The following TCF20 variants were observed in gnomAD, a reference collection of about 807,000 sequenced individuals.
TCF20 encodes transcription factor 20, also known as SPRE-binding protein.
In TCF20, 3 loss-of-function variants were observed where a neutral mutation model predicts 148.6. That is an observed-to-expected ratio of 0.02 (90% confidence interval 0.01 to 0.05). TCF20 has a LOEUF of 0.05. Ranked by LOEUF, TCF20 falls within the 10% of genes least tolerant of loss-of-function variation. The probability of loss-of-function intolerance (pLI) is 1.00; values close to 1 mark genes in which losing one functional copy is unlikely to be tolerated. For synonymous variants in TCF20, 1,049 were observed against 909.5 expected, an observed-to-expected ratio of 1.15 and a Z score of -2.76; for missense variants, 2,350 against 2,429.3, an observed-to-expected ratio of 0.97 and a Z score of 0.69.
chr22:42,302,828 T>C (rs1927362019), intron 1 of TCF20, among the ~76,000 whole-genome samples: 2 of 152,314 alleles, frequency 1.3e-5, no homozygotes, highest in South Asian at 4.1e-4. Flanking sequence ...GGGTGCAACT[T>C]CAGGCTGGGA....
chr22:42,324,547 T>C (rs1195025080), intron 1 of TCF20, among the ~76,000 whole-genome samples: 1 of 151,708 alleles, frequency 6.6e-6, no homozygotes, highest in Non-Finnish European at 1.5e-5. Flanking sequence ...GAAAATAATC[T>C]CCACCATTTG....
intron 1 of TCF20, among the ~76,000 whole-genome samples, chr22:42,321,251 G>C (rs1030977615): frequency 2.4e-4 from 36 of 152,310 alleles, no homozygotes; most frequent in African/African-American, 8.4e-4. Context: ...TGGCACCAGG[G>C]ATGGGCAACG....
At chr22:42,165,010 G>C (rs1204470421) in intron 5 of TCF20, among the ~76,000 whole-genome samples, 1 of 152,238 alleles carries the variant, frequency 6.6e-6, no homozygotes, top group Non-Finnish European at 1.5e-5. Context: ...CTGACGTAGA[G>C]AAGGGACAGG....
At chr22:42,202,693 C>T (rs553090439) in intron 2 of TCF20, among the ~76,000 whole-genome samples, 13 of 152,292 alleles carry the variant, frequency 8.5e-5, no homozygotes, top group African/African-American at 3.1e-4. Context: ...GCTTGGGGTG[C>T]GGAGGAGGAA....
At chr22:42,329,143 C>G (rs879614756) in intron 1 of TCF20, among the ~76,000 whole-genome samples, 4 of 152,238 alleles carry the variant, frequency 2.6e-5, no homozygotes, top group Non-Finnish European at 5.9e-5. Flanking sequence ...ATAAACCATT[C>G]TCTTCCAGGG....
chr22:42,303,343 A>G (rs922137125), intron 1 of TCF20, among the ~76,000 whole-genome samples: 2 of 152,244 alleles, frequency 1.3e-5, no homozygotes, highest in African/African-American at 4.8e-5. Flanking sequence ...CGTGCAGAGG[A>G]GACCGAGGCT....
chr22:42,280,270 C>T (rs1569199719), intron 1 of TCF20, among the ~76,000 whole-genome samples: 1 of 152,188 alleles, frequency 6.6e-6, no homozygotes. Flanking sequence ...CTAGGGAAAT[C>T]GAAGTCCAGG....
intron 2 of TCF20, among the ~76,000 whole-genome samples, chr22:42,207,751 GTTGCGGTGAGCTGAGA>G (rs1203910870): frequency 1.3e-5 from 2 of 152,200 alleles, no homozygotes; most frequent in African/African-American, 4.8e-5. Context: ...GGAAGCGGAG[GTTGCGGTGAGCTGAGA>G]TTGCGCCATT....
intron 1 of TCF20, among the ~76,000 whole-genome samples, chr22:42,264,589 T>C (rs545425089): frequency 1.1e-4 from 17 of 152,368 alleles, no homozygotes; most frequent in African/African-American, 3.8e-4. Context: ...TTACTTTGTT[T>C]AATGTCATTT....
chr22:42,225,583 C>T (rs946089940), intron 1 of TCF20, among the ~76,000 whole-genome samples: 4 of 146,808 alleles, frequency 2.7e-5, no homozygotes, highest in Admixed American at 6.9e-5. Context: ...CACTGCAGTC[C>T]GCAGTCCGGC....
At chr22:42,238,137 G>A (rs886458486) in intron 1 of TCF20, among the ~76,000 whole-genome samples, 2 of 152,160 alleles carry the variant, frequency 1.3e-5, no homozygotes, top group African/African-American at 4.8e-5. Flanking sequence ...ACCTTCATCA[G>A]TGATCTTGGC....
chr22:42,332,334 T>C (rs1927990895), intron 1 of TCF20, among the ~76,000 whole-genome samples: 1 of 152,008 alleles, frequency 6.6e-6, no homozygotes, highest in African/African-American at 2.4e-5. Context: ...AAAAGGTCCC[T>C]CTATGTGGCT....
intron 2 of TCF20, among the ~76,000 whole-genome samples, chr22:42,199,407 T>A (rs1301022072): frequency 6.6e-6 from 1 of 152,084 alleles, no homozygotes; most frequent in African/African-American, 2.4e-5. Flanking sequence ...ATTCAGTGCA[T>A]AAAGGCACGA....
intron 1 of TCF20, among the ~76,000 whole-genome samples, chr22:42,247,372 G>A (rs1480555437): frequency 1.3e-5 from 2 of 150,476 alleles, no homozygotes; most frequent in African/African-American, 4.9e-5. Flanking sequence ...CCCGGGAGGC[G>A]GAGCTTGCAG....
chr22:42,339,955 G>A (rs1928135447), intron 1 of TCF20, among the ~76,000 whole-genome samples: 1 of 151,544 alleles, frequency 6.6e-6, no homozygotes, highest in Admixed American at 6.6e-5. Flanking sequence ...GGGGGCCTCA[G>A]TCCCTGCATA....
intron 2 of TCF20, among the ~76,000 whole-genome samples, chr22:42,182,020 AGACAAAGCCAGCCTGCTGAG>A (rs1470303713): frequency 6.6e-6 from 1 of 152,210 alleles, no homozygotes; most frequent in Admixed American, 6.5e-5. Context: ...ACAGCCCTGA[AGACAAAGCCAGCCTGCTGAG>A]GACAGAAGAG....
At chr22:42,325,290 G>C (rs1340929931) in intron 1 of TCF20, among the ~76,000 whole-genome samples, 1 of 152,212 alleles carries the variant, frequency 6.6e-6, no homozygotes, top group African/African-American at 2.4e-5. Flanking sequence ...GGGAAGCCCA[G>C]GGCAGCAGCA....
chr22:42,239,112 C>T (rs147754845), intron 1 of TCF20, among the ~76,000 whole-genome samples: 168 of 150,670 alleles, frequency 1.1e-3, no homozygotes, highest in African/African-American at 4.0e-3. Flanking sequence ...AGCGAGACTC[C>T]ATCTCAAAAA....
chr22:42,343,308 C>T (rs1928200539), intron 1 of TCF20, among the ~76,000 whole-genome samples: 2 of 152,142 alleles, frequency 1.3e-5, no homozygotes, highest in South Asian at 4.1e-4. Flanking sequence ...AGCAGGCGCG[C>T]GATAAGTGCC....
Sources: allele counts gnomAD v4.1 joint callset (sites outside exome capture counted in the v4.1 genomes callset), GRCh38; gene constraint gnomAD v4.1.1; transcripts MANE v1.5; gene names NCBI Gene and HGNC (gene_info 2026-07-23, HGNC 2026-07-21).